WWOX: variants seen among roughly 807,000 people sequenced by gnomAD.
The protein encoded by WWOX is WW domain containing oxidoreductase.
A neutral mutation model predicts 46.2 loss-of-function variants in WWOX; 69 were observed. The ratio of observed to expected loss-of-function variants is 1.49; its 90% CI spans 1.23 to 1.82. The LOEUF is 1.82. Ranked by LOEUF, WWOX falls within the 40% of genes most tolerant of loss-of-function variation. The pLI, the probability that WWOX is intolerant of heterozygous loss-of-function variation, is 0.00. For missense variants in WWOX, 919 were observed against 542.6 expected (o/e 1.69, Z -6.89); for synonymous variants, 359 against 202.6 (o/e 1.77, Z -6.56).
chr16:79,080,640 G>C lies in WWOX; in HGVS notation c.1057-130968G>C, dbSNP rs529978163. On this transcript the variant is annotated intron_variant, in intron 8 of 8. Coordinates refer to ENST00000566780, the MANE Select transcript of WWOX (RefSeq NM_016373.4). Reference sequence around the variant, plus strand: ...GGACCCAGTATCTACATTTGGTCCAGTCATCTGTATCCGGCATCGGGGTCT... The same window carrying C: ...GGACCCAGTATCTACATTTGGTCCACTCATCTGTATCCGGCATCGGGGTCT... Among the ~76,000 whole-genome samples the C allele has an allele frequency of 2.0e-5, 3 of 152,292 alleles. No individual in the cohort carries two copies. In the South Asian group the frequency reaches 6.2e-4, roughly 32 times the overall value.
intron 8 of WWOX, among the ~76,000 whole-genome samples, chr16:78,994,179 C>G (rs371415143): frequency 2.0e-5 from 3 of 152,266 alleles, no homozygotes; most frequent in Admixed American, 6.5e-5. Flanking sequence ...TGCATCACAT[C>G]GATTCTCTCC....
chr16:78,406,346 A>ATG (rs2082542178), intron 6 of WWOX, among the ~76,000 whole-genome samples: 2 of 80,434 alleles, frequency 2.5e-5, no homozygotes, highest in Non-Finnish European at 4.3e-5. Flanking sequence ...ATATATATAT[A>ATG]TATATATATT....
intron 8 of WWOX, among the ~76,000 whole-genome samples, chr16:78,738,330 TC>T (rs1278438131): frequency 6.6e-6 from 1 of 152,186 alleles, no homozygotes; most frequent in African/African-American, 2.4e-5. Flanking sequence ...GATTGTTTTT[TC>T]AGTATGGTAA....
chr16:79,009,530 C>A (rs376017119), intron 8 of WWOX, among the ~76,000 whole-genome samples: 2 of 151,684 alleles, frequency 1.3e-5, no homozygotes, highest in African/African-American at 2.4e-5. Context: ...TGTAGTGGTG[C>A]GATCTCGGCT....
chr16:78,327,654 A>T (rs980632176), intron 5 of WWOX, among the ~76,000 whole-genome samples: 12 of 152,210 alleles, frequency 7.9e-5, no homozygotes, highest in East Asian at 1.9e-4. Flanking sequence ...TTATTTAAAA[A>T]TTTTTTTAAA....
At chr16:78,889,059 A>G (rs1291834913) in intron 8 of WWOX, among the ~76,000 whole-genome samples, 1 of 151,986 alleles carries the variant, frequency 6.6e-6, no homozygotes, top group Non-Finnish European at 1.5e-5. Flanking sequence ...CCCTTTTACA[A>G]GAAGATGTCT....
At chr16:79,046,292 G>C (rs2150520761) in intron 8 of WWOX, among the ~76,000 whole-genome samples, 1 of 152,212 alleles carries the variant, frequency 6.6e-6, no homozygotes, top group African/African-American at 2.4e-5. Context: ...TCAGCCCAGG[G>C]ATATAGTAGC....
intron 6 of WWOX, among the ~76,000 whole-genome samples, chr16:78,401,279 G>A (rs1366260311): frequency 6.9e-6 from 1 of 145,860 alleles, no homozygotes; most frequent in East Asian, 2.0e-4. Context: ...AATTAACAAA[G>A]TGGAAAAGAC....
At chr16:78,571,136 T>C (rs1283307690) in intron 8 of WWOX, among the ~76,000 whole-genome samples, 2 of 152,234 alleles carry the variant, frequency 1.3e-5, no homozygotes, top group South Asian at 2.1e-4. Context: ...AAGAGAAATG[T>C]ACATTTCTGA....
intron 5 of WWOX, among the ~76,000 whole-genome samples, chr16:78,242,844 C>A (rs574510928): frequency 9.9e-5 from 15 of 152,226 alleles, no homozygotes; most frequent in Middle Eastern, 3.4e-3. Context: ...CCTATCTCTA[C>A]TAAAAATAAC....
intron 8 of WWOX, among the ~76,000 whole-genome samples, chr16:79,108,916 A>C (rs990981802): frequency 6.6e-6 from 1 of 151,912 alleles, no homozygotes; most frequent in Non-Finnish European, 1.5e-5. Flanking sequence ...ATTTAAAAAA[A>C]AAAGTTTTTT....
intron 4 of WWOX, among the ~76,000 whole-genome samples, chr16:78,127,135 C>T (rs1375152593): frequency 2.0e-5 from 3 of 152,116 alleles, no homozygotes; most frequent in Non-Finnish European, 4.4e-5. Context: ...ATGACCCGAG[C>T]AAGTTACTTT....
At chr16:78,668,756 A>G (rs1289462081) in intron 8 of WWOX, among the ~76,000 whole-genome samples, 1 of 152,034 alleles carries the variant, frequency 6.6e-6, no homozygotes, top group Non-Finnish European at 1.5e-5. Flanking sequence ...GATGGGGAAT[A>G]AAAGGAAGAA....
intron 8 of WWOX, among the ~76,000 whole-genome samples, chr16:78,979,972 C>CA (rs2046648891): frequency 6.6e-6 from 1 of 152,050 alleles, no homozygotes; most frequent in Non-Finnish European, 1.5e-5. Context: ...ACTAAAAATA[C>CA]AAAAAATTAG....
intron 4 of WWOX, chr16:78,145,964 A>C (rs566074068): frequency 6.6e-6 from 1 of 152,308 alleles, no homozygotes; most frequent in East Asian, 1.9e-4. Context: ...CTCTTCCAAG[A>C]AATTGTTTGG....
intron 6 of WWOX, among the ~76,000 whole-genome samples, chr16:78,414,396 C>T (rs986542124): frequency 3.6e-4 from 55 of 152,116 alleles, no homozygotes; most frequent in African/African-American, 1.2e-3. Flanking sequence ...TGGTGAAACC[C>T]TGCATCTACT....
At position 78,325,946 on chromosome 16, in the gene WWOX, C is replaced by T. The variant is rs556910988; in HGVS notation, c.517-60914C>T. ...TGTGGATCCTGTGCCTGGTGCTCAG[C>T]ACATACAACATCATTTCATTTTCAC... On this transcript the variant is annotated intron_variant, in intron 5 of 8. Coordinates refer to ENST00000566780, the MANE Select transcript of WWOX (RefSeq NM_016373.4). Among the ~76,000 whole-genome samples, 7 of 152,314 alleles carry T rather than the reference C, an allele frequency of 4.6e-5. No homozygotes were observed. The East Asian group carries it at 1.2e-3, about 25-fold the overall frequency.
Position 78,751,458 on chromosome 16 carries a change from ATT to A in WWOX, c.1056+318709_1056+318710del, listed in dbSNP as rs777774380. Among the ~76,000 whole-genome samples, 252 of 56,854 alleles carry A rather than the reference ATT, an allele frequency of 4.4e-3. 1 individual carries two copies. Among genetic ancestry groups the A allele is most frequent in the African/African-American group, 0.025 (228 of 8,984 alleles). The allele number at this position is 56,854 out of a possible 152,430, so 37.3% of individuals were successfully genotyped here. On this transcript the variant is annotated intron_variant, in intron 8 of 8. Transcript: ENST00000566780. ...ATCAGATTATATATATATTTATCAG[ATT>A]TTATATATATATATATATATATATA... is the stretch of plus-strand genomic sequence containing the variant.
At chr16:78,830,329 A>G (rs1321576229) in intron 8 of WWOX, among the ~76,000 whole-genome samples, 1 of 152,112 alleles carries the variant, frequency 6.6e-6, no homozygotes, top group Non-Finnish European at 1.5e-5. Context: ...TACACATAAA[A>G]CATATATGTA....
Sources: allele counts gnomAD v4.1 joint callset (sites outside exome capture counted in the v4.1 genomes callset), GRCh38; gene constraint gnomAD v4.1.1; transcripts MANE v1.5; gene names NCBI Gene and HGNC (gene_info 2026-07-23, HGNC 2026-07-21).